ATP6V1F: variants seen among roughly 807,000 people sequenced by gnomAD.
The protein encoded by ATP6V1F is ATPase H+ transporting V1 subunit F, also known as V-type proton ATPase subunit F.
Under a neutral mutation model 6.6 loss-of-function variants are expected in ATP6V1F, and 4 were observed. The observed-to-expected ratio is 0.60, with a 90% CI of 0.30 to 1.38. The LOEUF (loss-of-function observed/expected upper bound fraction) is 1.38. ATP6V1F is among the 40% of genes most tolerant of loss of function. ATP6V1F has a pLI of 0.08. For missense variants in ATP6V1F, 136 were observed against 165.5 expected (o/e 0.82, Z 0.98); for synonymous variants, 68 against 66.9 (o/e 1.02, Z -0.08).
intron 1 of ATP6V1F, chr7:128,864,856 T>C (rs867067953): frequency 2.3e-6 from 1 of 427,780 alleles, no homozygotes; most frequent in Middle Eastern, 7.0e-4. Flanking sequence ...TGTGTGTATA[T>C]ATAGATAGAG....
rs1809359319 is a variant in ATP6V1F at position 128,865,075 on chromosome 7, A to C, written c.159-302A>C. 1.4e-6 allele frequency: 2 copies of C among 1,422,610 alleles called. No homozygotes were observed. The highest frequency in any genetic ancestry group is 1.9e-6 in the Non-Finnish European group (2 of 1,043,376). 88.1% of individuals were successfully genotyped at this position (1,422,610 alleles called of 1,614,324 possible). A position where few individuals can be genotyped will look rare whatever the true frequency, so the allele number is the denominator to read the frequency against. On this transcript the variant is annotated intron_variant, in intron 1 of 1. Transcript: ENST00000249289. The surrounding 1 kb of genome is among the most constrained non-coding windows in gnomAD (Gnocchi z 4.4). ...CTTCCCCTTTCTGACACATCACTGC[A>C]TATTGAATACACCAGTGTGCACCCT...
At chr7:128,863,379 A>C (rs915993741) in intron 1 of ATP6V1F, among the ~76,000 whole-genome samples, 2 of 152,176 alleles carry the variant, frequency 1.3e-5, no homozygotes, top group Non-Finnish European at 2.9e-5. Flanking sequence ...CCCGTAAGGC[A>C]GGGATGATTT....
chr7:128,863,194 C>T, intron 1 of ATP6V1F, 132 bp downstream of exon 1: 29 of 1,156,944 alleles, frequency 2.5e-5, no homozygotes, highest in Non-Finnish European at 3.5e-5. Flanking sequence ...GCGGAGGCCT[C>T]CGCGCCCCAA....
In ATP6V1F at chr7:128,865,250, C is replaced by G; in HGVS notation, c.159-127C>G. The G allele has an allele frequency of 6.4e-7, 1 of 1,551,470 alleles. No individual in the cohort carries two copies. Among genetic ancestry groups the G allele is most frequent in the Non-Finnish European group, 8.7e-7 (1 of 1,147,102 alleles). On this transcript the variant is annotated intron_variant, in intron 1 of 1. Coordinates refer to ENST00000249289, the MANE Select transcript of ATP6V1F (RefSeq NM_004231.4). This position sits in a 1 kb window ranked among gnomAD's most constrained non-coding sequence, Gnocchi z 4.4. Reference sequence around the variant, plus strand: ...GCGTGGCAGCCTTTCCCCTTGTCCTCTGTGCCCTCTGGGTCATGCTCATTC... The same window carrying G: ...GCGTGGCAGCCTTTCCCCTTGTCCTGTGTGCCCTCTGGGTCATGCTCATTC...
In ATP6V1F at chr7:128,865,227, G is replaced by A. The variant is rs145310125; in HGVS notation, c.159-150G>A. 9.1e-5 allele frequency: 141 copies of A among 1,542,678 alleles called. No individual in the cohort carries two copies. The East Asian group carries it at 1.9e-3, about 21-fold the overall frequency. ...AGGTAGGGTTGACAGAGGGTTGAGC[G>A]TGGCAGCCTTTCCCCTTGTCCTCTG... On this transcript the variant is annotated intron_variant, in intron 1 of 1. Coordinates refer to ENST00000249289, the MANE Select transcript of ATP6V1F (RefSeq NM_004231.4). This position sits in a 1 kb window ranked among gnomAD's most constrained non-coding sequence, Gnocchi z 4.4.
intron 1 of ATP6V1F, chr7:128,864,839 T>A (rs1237273112): frequency 1.1e-5 from 4 of 359,362 alleles, no homozygotes; most frequent in Non-Finnish European, 1.6e-5. Flanking sequence ...ATCCAGCCAT[T>A]TTTTTGTGTG....
In ATP6V1F at chr7:128,862,916, G is replaced by A. The variant is rs200558362; in HGVS notation, c.12G>A (p.Arg4=). 1.9e-6 allele frequency: 3 copies of A among 1,606,572 alleles called. No individual in the cohort carries two copies. Among genetic ancestry groups the A allele is most frequent in the Non-Finnish European group, 2.5e-6 (3 of 1,176,654 alleles). The change falls in exon 1 of 2, where the codon AGG becomes AGA. Residue 4 remains arginine, a synonymous_variant. Coordinates refer to ENST00000249289, the MANE Select transcript of ATP6V1F (RefSeq NM_004231.4). ...GCCCGGCTGCAGGGATGGCGGGGAGGGGTAAGCTCATCGCAGTGATCGGAG... is the reference window on the plus strand; with the variant it reads ...GCCCGGCTGCAGGGATGGCGGGGAGAGGTAAGCTCATCGCAGTGATCGGAG... MAG[R]GKLIAVIGDE...
chr7:128,863,202 C>A, intron 1 of ATP6V1F, 140 bp downstream of exon 1: 1 of 1,042,860 alleles, frequency 9.6e-7, no homozygotes, highest in Non-Finnish European at 1.4e-6. Flanking sequence ...CTCCGCGCCC[C>A]AAGTCCCCGT....
In ATP6V1F at chr7:128,865,131, G is replaced by A. The variant is rs1809361498; in HGVS notation, c.159-246G>A. 2.6e-6 allele frequency: 4 copies of A among 1,536,246 alleles called. No individual in the cohort carries two copies. The African/African-American group carries it at 4.1e-5, about 16-fold the overall frequency. ...ATCTTCATTACCAGTTCACTTGGAA[G>A]CCTTCCGGGCAGTGTTGTAGAAGCC... On this transcript the variant is annotated intron_variant, in intron 1 of 1. Transcript: ENST00000249289. This position sits in a 1 kb window ranked among gnomAD's most constrained non-coding sequence, Gnocchi z 4.4.
chr7:128,863,114 C>T (rs766288907), intron 1 of ATP6V1F, 52 bp downstream of exon 1: 62 of 1,574,468 alleles, frequency 3.9e-5, no homozygotes, highest in Non-Finnish European at 5.0e-5. Context: ...CGGTGGAGTG[C>T]GGGGCGAGGC....
chr7:128,863,141 G>C (rs1403138791), intron 1 of ATP6V1F, 79 bp downstream of exon 1: 2 of 1,517,862 alleles, frequency 1.3e-6, no homozygotes, highest in Non-Finnish European at 1.8e-6. Context: ...CTGCCCGGAC[G>C]GGGGTGAGGG....
chr7:128,865,190 G>GA lies in ATP6V1F; in HGVS notation c.159-184dup. 2 of 1,537,488 alleles carry GA rather than the reference G, an allele frequency of 1.3e-6. No individual in the cohort carries two copies. Among genetic ancestry groups the GA allele is most frequent in the Non-Finnish European group, 1.7e-6 (2 of 1,146,962 alleles). On this transcript the variant is annotated intron_variant, in intron 1 of 1. Transcript: ENST00000249289. The surrounding 1 kb of genome is among the most constrained non-coding windows in gnomAD (Gnocchi z 4.4). Reference sequence around the variant, plus strand: ...TCAGCGTGACCCTCCGCTTTGGGATGAAATTGATTCTAGGTAGGGTTGACA... The same window carrying GA: ...TCAGCGTGACCCTCCGCTTTGGGATGAAAATTGATTCTAGGTAGGGTTGACA...
In ATP6V1F at chr7:128,862,913, G is replaced by T; in HGVS notation, c.9G>T (p.Gly3=). The stretch of plus-strand genomic sequence containing the variant: ...TCTGCCCGGCTGCAGGGATGGCGGG[G>T]AGGGGTAAGCTCATCGCAGTGATCG... MA[G]RGKLIAVIGD... is the part of the protein sequence containing the mutation. Residue 3 remains glycine (G), a synonymous_variant, in exon 1 of 2, where the codon GGG becomes GGT. Transcript: ENST00000249289. The T allele has an allele frequency of 6.3e-7, 1 of 1,599,642 alleles. No homozygotes were observed. Among genetic ancestry groups the T allele is most frequent in the Non-Finnish European group, 8.5e-7 (1 of 1,173,126 alleles).
rs1809297774 is a variant in ATP6V1F at position 128,862,914 on chromosome 7, AG to A, written c.14del (p.Gly5ValfsTer6). ...CTGCCCGGCTGCAGGGATGGCGGGG[AG>A]GGGTAAGCTCATCGCAGTGATCGGA... MAG[R>X]GKLIAVIGDE... is the part of the protein sequence containing the mutation. On this transcript the variant is annotated frameshift_variant, in exon 1 of 2. Coordinates refer to ENST00000249289, the MANE Select transcript of ATP6V1F (RefSeq NM_004231.4). LOFTEE classifies it high-confidence loss of function. 6.3e-7 allele frequency: 1 copy of A among 1,595,258 alleles called. No homozygotes were observed. Among genetic ancestry groups the A allele is most frequent in the Admixed American group, 1.8e-5 (1 of 56,938 alleles).
chr7:128,865,823 A>G lies in ATP6V1F; in HGVS notation c.*245A>G, dbSNP rs2128942045. Reference sequence around the variant, plus strand: ...ACAGTGTCATTGTTGATGTTAAATTAAAGTCATATTCTTGCTTCTCTCCAG... The same window carrying G: ...ACAGTGTCATTGTTGATGTTAAATTGAAGTCATATTCTTGCTTCTCTCCAG... On this transcript the variant is annotated 3_prime_UTR_variant, in exon 2 of 2. Transcript: ENST00000249289. The surrounding 1 kb of genome is among the most constrained non-coding windows in gnomAD (Gnocchi z 4.4). The G allele has an allele frequency of 5.4e-6, 3 of 556,482 alleles. No individual in the cohort carries two copies. The highest frequency in any genetic ancestry group is 3.0e-5 in the East Asian group (1 of 33,030). The allele number at this position is 556,482 out of a possible 1,614,324, so 34.5% of individuals were successfully genotyped here. A position where few individuals can be genotyped will look rare whatever the true frequency, so the allele number is the denominator to read the frequency against.
intron 1 of ATP6V1F, among the ~76,000 whole-genome samples, 195 bp downstream of exon 1, chr7:128,863,257 C>G (rs540262513): frequency 1.3e-5 from 2 of 152,258 alleles, no homozygotes; most frequent in South Asian, 2.1e-4. Context: ...CACGAGCCCC[C>G]CCACCTCACA....
rs375570166 is a variant in ATP6V1F, at chr7:128,865,328, C to G, written c.159-49C>G. 6.2e-7 allele frequency: 1 copy of G among 1,603,196 alleles called. No individual in the cohort carries two copies. The highest frequency in any genetic ancestry group is 8.5e-7 in the Non-Finnish European group (1 of 1,171,596). On this transcript the variant is annotated intron_variant, in intron 1 of 1. Coordinates refer to ENST00000249289, the MANE Select transcript of ATP6V1F (RefSeq NM_004231.4). The surrounding 1 kb of genome is among the most constrained non-coding windows in gnomAD (Gnocchi z 4.4). The stretch of plus-strand genomic sequence containing the variant: ...GAGAGGGCTGCCTGGGTAGGAGAGA[C>G]GGCAGCCCCCAGAGCTGTCCTGGAC...
Position 128,865,127 on chromosome 7 carries a change from G to A in ATP6V1F, c.159-250G>A. On this transcript the variant is annotated intron_variant, in intron 1 of 1. Coordinates refer to ENST00000249289, the MANE Select transcript of ATP6V1F (RefSeq NM_004231.4). The surrounding 1 kb of genome is among the most constrained non-coding windows in gnomAD (Gnocchi z 4.4). ...ATCAATCTTCATTACCAGTTCACTT[G>A]GAAGCCTTCCGGGCAGTGTTGTAGA... is the stretch of plus-strand genomic sequence containing the variant. 6.5e-7 allele frequency: 1 copy of A among 1,536,170 alleles called. No individual in the cohort carries two copies. Among genetic ancestry groups the A allele is most frequent in the Non-Finnish European group, 8.7e-7 (1 of 1,146,858 alleles).
rs1276135231 is a variant in ATP6V1F, at chr7:128,865,606, C to T, written c.*28C>T. On this transcript the variant is annotated 3_prime_UTR_variant, in exon 2 of 2. Transcript: ENST00000249289. The surrounding 1 kb of genome is among the most constrained non-coding windows in gnomAD (Gnocchi z 4.4). ...GACTCCTCATAGCCCTCAGCCCTTC[C>T]CTCGTTTCCAGGCCTCTCCCCAGGC... 2 of 1,589,880 alleles carry T rather than the reference C, an allele frequency of 1.3e-6. No homozygotes were observed. The highest frequency in any genetic ancestry group is 1.7e-6 in the Non-Finnish European group (2 of 1,164,828).
Sources: allele counts gnomAD v4.1 joint callset (sites outside exome capture counted in the v4.1 genomes callset), GRCh38; gene constraint gnomAD v4.1.1; non-coding constraint Gnocchi (gnomAD v3.1); transcripts MANE v1.5; gene names NCBI Gene and HGNC (gene_info 2026-07-23, HGNC 2026-07-21).